TTC17: variants seen among roughly 807,000 people sequenced by gnomAD.
The protein encoded by TTC17 is tetratricopeptide repeat domain 17.
In TTC17, 58 loss-of-function variants were observed where a neutral mutation model predicts 143.8. The ratio of observed to expected loss-of-function variants is 0.40; its 90% CI spans 0.33 to 0.50. The LOEUF is 0.50. Ranked by LOEUF, TTC17 falls within the 20% of genes least tolerant of loss-of-function variation. The pLI is 0.49. For synonymous variants in TTC17, 501 were observed against 497.8 expected (o/e 1.01, Z -0.09); for missense variants, 1,273 against 1,392.5 (o/e 0.91, Z 1.37).
intron 21 of TTC17, among the ~76,000 whole-genome samples, chr11:43,488,744 T>A (rs1014134201): frequency 1.3e-5 from 2 of 152,194 alleles, no homozygotes; most frequent in Non-Finnish European, 2.9e-5. Flanking sequence ...TCCTGCAGGC[T>A]GAAGTGCACT....
rs1337916333 is a variant in TTC17 at position 43,494,814 on chromosome 11, G to C, written c.*910G>C. ...CTCCTCAGGAGGGTAATGAGCCAAG[G>C]TTGAGTGTTTCCATACAATGCTTTT... is the stretch of plus-strand genomic sequence containing the variant. On this transcript the variant is annotated 3_prime_UTR_variant, in exon 24 of 24. Transcript: ENST00000039989. 6.6e-6 allele frequency: 1 copy of C among 152,154 alleles called. No homozygotes were observed. Among genetic ancestry groups the C allele is most frequent in the Non-Finnish European group, 1.5e-5 (1 of 68,028 alleles). 9.4% of individuals were successfully genotyped at this position (152,154 alleles called of 1,614,324 possible).
At chr11:43,375,718 C>T (rs1176289524) in intron 1 of TTC17, among the ~76,000 whole-genome samples, 1 of 151,206 alleles carries the variant, frequency 6.6e-6, no homozygotes, top group Admixed American at 6.6e-5. Context: ...ATTAATGTTA[C>T]AACAGAAATG....
chr11:43,469,605 A>T (rs1384987820), intron 21 of TTC17, among the ~76,000 whole-genome samples: 4 of 152,202 alleles, frequency 2.6e-5, no homozygotes, highest in African/African-American at 9.6e-5. Flanking sequence ...AAAAAAATGC[A>T]TAGTTAAGAT....
At chr11:43,376,655 A>G (rs1034354542) in intron 1 of TTC17, among the ~76,000 whole-genome samples, 43 of 152,328 alleles carry the variant, frequency 2.8e-4, no homozygotes, top group African/African-American at 1.0e-3. Flanking sequence ...GCATATTAAC[A>G]TTCTTTTACA....
At chr11:43,365,580 TC>T in intron 1 of TTC17, among the ~76,000 whole-genome samples, 1 of 152,214 alleles carries the variant, frequency 6.6e-6, no homozygotes, top group Non-Finnish European at 1.5e-5. Context: ...CTCATCTCCT[TC>T]TTAACTTTGT....
At chr11:43,447,122 C>T (rs187793417) in intron 18 of TTC17, among the ~76,000 whole-genome samples, 1 of 152,218 alleles carries the variant, frequency 6.6e-6, no homozygotes, top group African/African-American at 2.4e-5. Flanking sequence ...GAGGTTAAGG[C>T]TCCAGAAAGC....
At chr11:43,418,747 T>C (rs771085468) in intron 16 of TTC17, among the ~76,000 whole-genome samples, 1 of 152,126 alleles carries the variant, frequency 6.6e-6, no homozygotes, top group Non-Finnish European at 1.5e-5. Flanking sequence ...AAAATAACTT[T>C]TAATAACAAT....
At chr11:43,432,088 AATTAG>A (rs1326285112) in intron 16 of TTC17, among the ~76,000 whole-genome samples, 8 of 152,352 alleles carry the variant, frequency 5.3e-5, no homozygotes, top group African/African-American at 1.9e-4. Flanking sequence ...ACCCAACTCT[AATTAG>A]AAAGTGGAAA....
rs139269665 is a variant in TTC17, at chr11:43,436,876, T to C, written c.2252-6449T>C. 5.9e-5 allele frequency among the ~76,000 whole-genome samples: 9 copies of C among 152,346 alleles called. No individual in the cohort carries two copies. In the East Asian group the frequency reaches 1.7e-3, roughly 29 times the overall value. On this transcript the variant is annotated intron_variant, in intron 16 of 23. Coordinates refer to ENST00000039989, the MANE Select transcript of TTC17 (RefSeq NM_018259.6). ...TCTCCTTTCCTCTTGGCTTCTGGAA[T>C]ATCACTTGCTCTTAGCTTTCTTCTA...
At chr11:43,454,710 A>G (rs1269535350) in intron 21 of TTC17, among the ~76,000 whole-genome samples, 3 of 152,210 alleles carry the variant, frequency 2.0e-5, no homozygotes, top group Admixed American at 2.0e-4. Flanking sequence ...ACTTAGATCA[A>G]AAAGCTTGAC....
chr11:43,442,028 T>A (rs948830392), intron 16 of TTC17, among the ~76,000 whole-genome samples: 2 of 152,284 alleles, frequency 1.3e-5, no homozygotes, highest in African/African-American at 4.8e-5. Flanking sequence ...TACACAAAGC[T>A]AGGTGGTATA....
At chr11:43,376,940 T>C (rs1856783420) in intron 1 of TTC17, among the ~76,000 whole-genome samples, 1 of 152,200 alleles carries the variant, frequency 6.6e-6, no homozygotes, top group African/African-American at 2.4e-5. Context: ...TATGGTTCTG[T>C]AGGCAGTTGT....
intron 21 of TTC17, among the ~76,000 whole-genome samples, chr11:43,475,947 G>C (rs914185700): frequency 4.6e-5 from 7 of 152,142 alleles, no homozygotes; most frequent in African/African-American, 1.7e-4. Context: ...TGAGAATGAT[G>C]GCGTTAACAC....
chr11:43,376,475 G>A (rs1445049805), intron 1 of TTC17, among the ~76,000 whole-genome samples: 1 of 151,982 alleles, frequency 6.6e-6, no homozygotes, highest in Admixed American at 6.5e-5. Flanking sequence ...TTATTGTTCT[G>A]TGCAGCAATG....
At position 43,411,568 on chromosome 11, in the gene TTC17, A is replaced by G. The variant is rs562463192; in HGVS notation, c.2065-3022A>G. ...TTTCTTATTTTCTGCTGTATCCTCA[A>G]TGTTCAAAACTATGCCTGCAACATA... On this transcript the variant is annotated intron_variant, in intron 15 of 23. Transcript: ENST00000039989. Among the ~76,000 whole-genome samples the G allele has an allele frequency of 6.2e-4, 94 of 152,278 alleles. 1 individual carries two copies. Among genetic ancestry groups the G allele is most frequent in the Middle Eastern group, 3.4e-3 (1 of 294 alleles).
intron 16 of TTC17, among the ~76,000 whole-genome samples, chr11:43,433,045 G>A (rs1947195291): frequency 6.6e-6 from 1 of 151,632 alleles, no homozygotes; most frequent in Admixed American, 6.6e-5. Flanking sequence ...TCTGTCACCA[G>A]GCTGGAGTGC....
At chr11:43,421,537 G>A (rs2134647440) in intron 16 of TTC17, among the ~76,000 whole-genome samples, 2 of 152,274 alleles carry the variant, frequency 1.3e-5, no homozygotes, top group South Asian at 4.1e-4. Context: ...TCGCATTACT[G>A]CCTGAGCTCC....
chr11:43,376,870 T>A (rs939193845), intron 1 of TTC17, among the ~76,000 whole-genome samples: 2 of 152,206 alleles, frequency 1.3e-5, no homozygotes, highest in African/African-American at 2.4e-5. Flanking sequence ...AGAGTATACT[T>A]AAACACACCT....
chr11:43,405,779 G>T lies in TTC17; in HGVS notation c.1596-7G>T, dbSNP rs1263624766. The T allele has an allele frequency of 2.5e-6, 4 of 1,611,764 alleles. No individual in the cohort carries two copies. The East Asian group carries it at 8.9e-5, about 36-fold the overall frequency. ...AATATGAATCTTGTTCCTTTTTCTT[G>T]TGCCAGGATCCACGAACTCAGCAGT... On this transcript the variant is annotated splice_region_variant and splice_polypyrimidine_tract_variant and intron_variant, in intron 12 of 23. Coordinates refer to ENST00000039989, the MANE Select transcript of TTC17 (RefSeq NM_018259.6).
Sources: gnomAD v4.1 joint callset for allele counts (sites outside exome capture counted in the v4.1 genomes callset) on GRCh38, gnomAD v4.1.1 for gene constraint, MANE v1.5 for transcripts, NCBI Gene and HGNC (gene_info 2026-07-23, HGNC 2026-07-21) for gene names.